Variants in DTD1 observed in about 807,000 individuals in gnomAD.
The protein encoded by DTD1 is D-aminoacyl-tRNA deacylase 1, also known as D-tyrosyl-tRNA deacylase 1 homolog.
DTD1 carries 13 observed loss-of-function variants against 25.6 expected under a neutral mutation model. The ratio of observed to expected loss-of-function variants is 0.51; its 90% CI spans 0.33 to 0.81. The LOEUF is 0.81. Among genes scored for constraint, DTD1 ranks in the 30% least tolerant of loss-of-function variants. The probability of loss-of-function intolerance (pLI) is 0.02; values close to 1 mark genes in which losing one functional copy is unlikely to be tolerated. For missense variants in DTD1, 193 were observed against 266.4 expected (o/e 0.72, Z 1.92); for synonymous variants, 110 against 103.6 (o/e 1.06, Z -0.37).
intron 4 of DTD1, among the ~76,000 whole-genome samples, chr20:18,670,105 G>A (rs982148764): frequency 6.6e-6 from 1 of 152,098 alleles, no homozygotes; most frequent in Non-Finnish European, 1.5e-5. Context: ...TGGGATGTCC[G>A]TGTGTGTGTA....
intron 4 of DTD1, among the ~76,000 whole-genome samples, chr20:18,666,859 A>C (rs16979457): frequency 1.3e-5 from 2 of 152,244 alleles, no homozygotes; most frequent in Non-Finnish European, 2.9e-5. Context: ...GCCAAAAAGC[A>C]CATTAGTTTC....
At chr20:18,758,928 G>A (rs1206109349) in intron 5 of DTD1, among the ~76,000 whole-genome samples, 1 of 152,110 alleles carries the variant, frequency 6.6e-6, no homozygotes, top group Non-Finnish European at 1.5e-5. Context: ...TCTGTATTGG[G>A]TGCATATATA....
intron 3 of DTD1, among the ~76,000 whole-genome samples, chr20:18,607,050 T>G (rs1191763212): frequency 6.6e-6 from 1 of 152,202 alleles, no homozygotes; most frequent in East Asian, 1.9e-4. Context: ...TTAGCTTGAT[T>G]GATTAATTGA....
chr20:18,741,184 A>G (rs2061276568), intron 4 of DTD1, among the ~76,000 whole-genome samples: 1 of 152,362 alleles, frequency 6.6e-6, no homozygotes, highest in African/African-American at 2.4e-5. Flanking sequence ...GGACCTGTTC[A>G]TGAGTATTTA....
chr20:18,746,617 T>TGGGAGGA (rs2061301685), intron 5 of DTD1, among the ~76,000 whole-genome samples: 1 of 151,954 alleles, frequency 6.6e-6, no homozygotes, highest in South Asian at 2.1e-4. Context: ...ATTGCTTGAG[T>TGGGAGGA]TTGGGAGTTG....
chr20:18,723,018 G>T (rs1600391188), intron 4 of DTD1, among the ~76,000 whole-genome samples: 3 of 152,318 alleles, frequency 2.0e-5, no homozygotes, highest in Admixed American at 2.0e-4. Flanking sequence ...TTCAGTTAAT[G>T]ATATGAAGTT....
chr20:18,632,779 G>A, intron 4 of DTD1: 11 of 479,602 alleles, frequency 2.3e-5, no homozygotes, highest in Non-Finnish European at 2.4e-5. Flanking sequence ...ATGTGTGTGT[G>A]TATATGGATG....
At chr20:18,610,140 A>G (rs573611599) in intron 3 of DTD1, among the ~76,000 whole-genome samples, 2 of 152,360 alleles carry the variant, frequency 1.3e-5, no homozygotes, top group Admixed American at 6.5e-5. Context: ...GGCATTTTAA[A>G]TGGGTGAACA....
chr20:18,633,934 G>A (rs1287563766), intron 4 of DTD1, among the ~76,000 whole-genome samples: 1 of 152,212 alleles, frequency 6.6e-6, no homozygotes, highest in African/African-American at 2.4e-5. Context: ...AGGCTGCTGC[G>A]TGGGTTTCAT....
At chr20:18,706,116 G>T (rs1274092449) in intron 4 of DTD1, among the ~76,000 whole-genome samples, 1 of 152,184 alleles carries the variant, frequency 6.6e-6, no homozygotes, top group African/African-American at 2.4e-5. Context: ...AGCAGTTGTT[G>T]GTTCGTTGCC....
intron 1 of DTD1, among the ~76,000 whole-genome samples, chr20:18,589,744 T>G (rs1454852304): frequency 2.0e-5 from 3 of 152,236 alleles, no homozygotes; most frequent in Non-Finnish European, 4.4e-5. Context: ...CCTGCTAATC[T>G]GGAATATTGA....
At chr20:18,761,528 C>T (rs539236789) in intron 5 of DTD1, among the ~76,000 whole-genome samples, 2 of 152,140 alleles carry the variant, frequency 1.3e-5, no homozygotes, top group Non-Finnish European at 2.9e-5. Flanking sequence ...TTCTCTAGGT[C>T]ATTCTTTTAC....
Position 18,675,833 on chromosome 20 carries a change from C to A in DTD1, c.477+47600C>A, listed in dbSNP as rs1240518789. On this transcript the variant is annotated intron_variant, in intron 4 of 5. Transcript: ENST00000377452. ...ATTTACACACATATATGTAAATATA[C>A]CTATGTGTATATTTACACATATATA... Among the ~76,000 whole-genome samples the A allele has an allele frequency of 4.8e-4, 72 of 148,650 alleles. 20 individuals are homozygous for A. Among genetic ancestry groups the A allele is most frequent in the African/African-American group, 1.8e-3 (71 of 38,958 alleles).
rs1455125161 is a variant in DTD1 at position 18,648,596 on chromosome 20, G to A, written c.477+20363G>A. Among the ~76,000 whole-genome samples, 4 of 152,222 alleles carry A rather than the reference G, an allele frequency of 2.6e-5. No homozygotes were observed. In the East Asian group the frequency reaches 5.8e-4, roughly 22 times the overall value. On this transcript the variant is annotated intron_variant, in intron 4 of 5. Coordinates refer to ENST00000377452, the MANE Select transcript of DTD1 (RefSeq NM_080820.6). Reference sequence around the variant, plus strand: ...ACTTTTAAAGGCACTAAAAGGCAAAGCATTTTCTCTTCTTTCATCTCTCTC... The same window carrying A: ...ACTTTTAAAGGCACTAAAAGGCAAAACATTTTCTCTTCTTTCATCTCTCTC...
At chr20:18,593,952 A>G (rs1275066063) in intron 2 of DTD1, 131 bp downstream of exon 2, 1 of 707,608 alleles carries the variant, frequency 1.4e-6, no homozygotes, top group Non-Finnish European at 2.5e-6. Flanking sequence ...TGGATGTAGT[A>G]TGGTTATCTC....
chr20:18,736,002 ATTC>A (rs1231199599), intron 4 of DTD1, among the ~76,000 whole-genome samples: 3 of 152,244 alleles, frequency 2.0e-5, no homozygotes, highest in Admixed American at 1.3e-4. Flanking sequence ...GCCCAAGACA[ATTC>A]TTCTTCTTCC....
intron 4 of DTD1, among the ~76,000 whole-genome samples, chr20:18,678,492 G>C (rs1344439151): frequency 6.6e-6 from 1 of 152,108 alleles, no homozygotes; most frequent in East Asian, 1.9e-4. Context: ...TCATTTTCTG[G>C]AAACTCGTAA....
At chr20:18,713,197 T>C (rs6136485) in intron 4 of DTD1, among the ~76,000 whole-genome samples, 52,941 of 152,230 alleles carry the variant, frequency 0.35, 9,548 homozygotes, top group Non-Finnish European at 0.4. Flanking sequence ...CCTCTGCCAA[T>C]TGTTCTTTCT....
chr20:18,613,519 G>T (rs1358799), intron 3 of DTD1, among the ~76,000 whole-genome samples: 77,587 of 152,004 alleles, frequency 0.51, 20,180 homozygotes, highest in Middle Eastern at 0.56. Flanking sequence ...TGCCAGTGCT[G>T]AGGGCTTTTC....
Sources: allele counts gnomAD v4.1 joint callset (sites outside exome capture counted in the v4.1 genomes callset), GRCh38; gene constraint gnomAD v4.1.1; transcripts MANE v1.5; gene names NCBI Gene and HGNC (gene_info 2026-07-23, HGNC 2026-07-21).